The following GRAMD1B variants were observed in gnomAD, a reference collection of about 807,000 sequenced individuals.
GRAMD1B encodes protein Aster-B.
In GRAMD1B, 37 loss-of-function variants were observed where a neutral mutation model predicts 99.7. The observed-to-expected ratio is 0.37, with a 90% CI of 0.29 to 0.49. GRAMD1B has a LOEUF of 0.49. Among genes scored for constraint, GRAMD1B ranks in the 20% least tolerant of loss-of-function variants. GRAMD1B has a pLI of 0.98. For synonymous variants in GRAMD1B, 427 were observed against 387.6 expected, an observed-to-expected ratio of 1.10 and a Z score of -1.19; for missense variants, 888 against 1,009.2, an observed-to-expected ratio of 0.88 and a Z score of 1.63.
At chr11:123,565,848 T>C (rs1947310397) in intron 2 of GRAMD1B, among the ~76,000 whole-genome samples, 1 of 152,232 alleles carries the variant, frequency 6.6e-6, no homozygotes, top group South Asian at 2.1e-4. Flanking sequence ...GTTTGTTCTG[T>C]TGTGAACAAT....
In GRAMD1B at chr11:123,560,871, C is replaced by A. The variant is rs373637684; in HGVS notation, c.453-16496C>A. The stretch of plus-strand genomic sequence containing the variant: ...ATCTGACGCAGGCTGCTCAGAGCTG[C>A]CAAGAACACAAACCTTTCAAGGCAG... On this transcript the variant is annotated intron_variant, in intron 2 of 19. Coordinates refer to ENST00000635736, the MANE Select transcript of GRAMD1B (RefSeq NM_001387025.1). 1.8e-4 allele frequency among the ~76,000 whole-genome samples: 28 copies of A among 152,162 alleles called. 1 individual carries two copies. The East Asian group carries it at 2.1e-3, about 12-fold the overall frequency.
chr11:123,464,103 G>A (rs1353702954), intron 1 of GRAMD1B, among the ~76,000 whole-genome samples: 2 of 151,434 alleles, frequency 1.3e-5, no homozygotes, highest in Non-Finnish European at 2.9e-5. Flanking sequence ...AGGAGCTCAA[G>A]ACCAGCCTGG....
intron 2 of GRAMD1B, among the ~76,000 whole-genome samples, chr11:123,534,497 A>G (rs1446060937): frequency 6.6e-6 from 1 of 152,186 alleles, no homozygotes; most frequent in Non-Finnish European, 1.5e-5. Context: ...GGCAAAAGAA[A>G]TTGAGAAGGG....
At chr11:123,391,875 C>T (rs1243868217) in intron 1 of GRAMD1B, among the ~76,000 whole-genome samples, 1 of 152,216 alleles carries the variant, frequency 6.6e-6, no homozygotes, top group East Asian at 1.9e-4. Context: ...TCTTTCCAAG[C>T]CACTGCGTGT....
At chr11:123,558,141 G>A (rs1250168793) in intron 2 of GRAMD1B, among the ~76,000 whole-genome samples, 1 of 151,806 alleles carries the variant, frequency 6.6e-6, no homozygotes, top group Non-Finnish European at 1.5e-5. Context: ...GTGCCACTAT[G>A]CCTGGCTAAT....
chr11:123,512,175 G>A (rs1482533756), intron 2 of GRAMD1B, among the ~76,000 whole-genome samples: 1 of 152,220 alleles, frequency 6.6e-6, no homozygotes, highest in African/African-American at 2.4e-5. Flanking sequence ...GACCATGAAA[G>A]CAGGCATCTG....
intron 17 of GRAMD1B, among the ~76,000 whole-genome samples, chr11:123,615,580 G>T (rs1472230427): frequency 2.6e-5 from 4 of 152,208 alleles, no homozygotes; most frequent in African/African-American, 4.8e-5. Context: ...AGCTACTCAG[G>T]AGGCTGAGGT....
intron 4 of GRAMD1B, among the ~76,000 whole-genome samples, chr11:123,589,514 G>A (rs1148104): frequency 0.13 from 19,970 of 150,704 alleles, 1,418 homozygotes; most frequent in East Asian, 0.22. Flanking sequence ...TGCGATCTCC[G>A]CTCACTGCAA....
At chr11:123,622,384 C>T in intron 19 of GRAMD1B, 122 bp from the exon 20 acceptor site, 1 of 653,172 alleles carries the variant, frequency 1.5e-6, no homozygotes, top group Admixed American at 2.2e-5. Context: ...GTGCCCGACT[C>T]TTTTCAGCCC....
intron 2 of GRAMD1B, among the ~76,000 whole-genome samples, chr11:123,573,856 G>T (rs186968072): frequency 1.3e-5 from 2 of 152,264 alleles, no homozygotes; most frequent in East Asian, 3.9e-4. Context: ...AGGGTATGAA[G>T]ACTGTCACTA....
intron 2 of GRAMD1B, among the ~76,000 whole-genome samples, chr11:123,549,100 G>A (rs1945350235): frequency 6.6e-6 from 1 of 152,190 alleles, no homozygotes; most frequent in South Asian, 2.1e-4. Context: ...AGAGAGAAAG[G>A]AGAAACAGGG....
intron 4 of GRAMD1B, among the ~76,000 whole-genome samples, chr11:123,589,909 A>T (rs1950475991): frequency 6.6e-6 from 1 of 152,146 alleles, no homozygotes; most frequent in Non-Finnish European, 1.5e-5. Context: ...AAGGTGGCAG[A>T]GCTGGGGAGA....
chr11:123,567,094 A>G (rs1278344314), intron 2 of GRAMD1B, among the ~76,000 whole-genome samples: 1 of 152,132 alleles, frequency 6.6e-6, no homozygotes, highest in Non-Finnish European at 1.5e-5. Flanking sequence ...TTTGATCTGA[A>G]GGCTGAAAAG....
At chr11:123,404,007 C>A (rs2135934449) in intron 1 of GRAMD1B, among the ~76,000 whole-genome samples, 1 of 152,230 alleles carries the variant, frequency 6.6e-6, no homozygotes, top group Middle Eastern at 3.4e-3. Context: ...TTTGAAAGAA[C>A]CTAGGACATT....
At chr11:123,384,910 T>C (rs1947004533) in intron 1 of GRAMD1B, among the ~76,000 whole-genome samples, 1 of 152,192 alleles carries the variant, frequency 6.6e-6, no homozygotes, top group African/African-American at 2.4e-5. Context: ...ATAAATAAAA[T>C]ATCAATTAAT....
In GRAMD1B at chr11:123,606,490, G is replaced by A. The variant is rs139078655; in HGVS notation, c.1324-119G>A. 1,997 of 862,832 alleles carry A rather than the reference G, an allele frequency of 2.3e-3. 46 individuals carry two copies. In the Admixed American group the frequency reaches 0.047, roughly 20 times the overall value. 53.4% of individuals were successfully genotyped at this position (862,832 alleles called of 1,614,324 possible). ...GGCTTTGGAGCCTGACTCTGACTTCGCTCCTGAGCAGCTGAGCTGGGAGTA... is the reference window on the plus strand; with the variant it reads ...GGCTTTGGAGCCTGACTCTGACTTCACTCCTGAGCAGCTGAGCTGGGAGTA... On this transcript the variant is annotated intron_variant, in intron 10 of 19. Transcript: ENST00000635736.
At chr11:123,426,573 C>T (rs973457684), upstream of GRAMD1B, among the ~76,000 whole-genome samples, 3 of 136,132 alleles carry the variant, frequency 2.2e-5, no homozygotes, top group Admixed American at 6.9e-5. Context: ...TTCTTTCCCT[C>T]ATAATGGGCC....
At chr11:123,414,712 G>A (rs1948168613) in intron 1 of GRAMD1B, among the ~76,000 whole-genome samples, 1 of 152,130 alleles carries the variant, frequency 6.6e-6, no homozygotes, top group African/African-American at 2.4e-5. Flanking sequence ...TCCCCAAGGA[G>A]AAAGATTTTG....
chr11:123,448,445 C>G (rs920339855), intron 1 of GRAMD1B, among the ~76,000 whole-genome samples: 1 of 152,088 alleles, frequency 6.6e-6, no homozygotes, highest in African/African-American at 2.4e-5. Context: ...GTCTCATACG[C>G]TTGGTCTCAA....
Sources: gnomAD v4.1 joint callset for allele counts (sites outside exome capture counted in the v4.1 genomes callset) on GRCh38, gnomAD v4.1.1 for gene constraint, MANE v1.5 for transcripts, NCBI Gene and HGNC (gene_info 2026-07-23, HGNC 2026-07-21) for gene names.